SAMD12: variants seen among roughly 807,000 people sequenced by gnomAD.
The protein encoded by SAMD12 is sterile alpha motif domain containing 12, also known as sterile alpha motif domain-containing protein 12.
A neutral mutation model predicts 15.0 loss-of-function variants in SAMD12; 9 were observed. That is an observed-to-expected ratio of 0.60 (90% CI 0.36 to 1.05). SAMD12 has a LOEUF of 1.05. Ranked by LOEUF, SAMD12 falls within the 50% of genes least tolerant of loss-of-function variation. The pLI, the probability that SAMD12 is intolerant of heterozygous loss-of-function variation, is 0.01. For missense variants in SAMD12, 230 were observed against 234.2 expected (o/e 0.98, Z 0.12); for synonymous variants, 86 against 90.1 (o/e 0.96, Z 0.25).
the SAMD12 span, among the ~76,000 whole-genome samples, chr8:118,148,100 G>A: frequency 2.6e-5 from 4 of 151,782 alleles, no homozygotes; most frequent in Admixed American, 6.6e-5. Flanking sequence ...GCTAATTTTT[G>A]TATTTTTTTG....
intron 2 of SAMD12, among the ~76,000 whole-genome samples, chr8:118,454,567 C>G (rs1483738500): frequency 6.6e-6 from 1 of 152,152 alleles, no homozygotes; most frequent in Non-Finnish European, 1.5e-5. Flanking sequence ...ATGTCTATTA[C>G]TAAATATTGG....
At chr8:118,284,309 G>A (rs774116399) in intron 4 of SAMD12, 16 of 456,296 alleles carry the variant, frequency 3.5e-5, no homozygotes, top group South Asian at 2.5e-4. Flanking sequence ...AACTGGCTGG[G>A]ATGGCTTCAT....
the SAMD12 span, among the ~76,000 whole-genome samples, chr8:118,161,363 C>T: frequency 1.3e-5 from 2 of 151,702 alleles, no homozygotes; most frequent in East Asian, 1.9e-4. Context: ...GTGGGAGGAT[C>T]GCTTGAACCC....
chr8:118,468,356 A>T (rs1432245482), intron 2 of SAMD12, among the ~76,000 whole-genome samples: 3 of 151,848 alleles, frequency 2.0e-5, no homozygotes, highest in African/African-American at 7.3e-5. Context: ...TTCACAAAAA[A>T]CCCACTCCTC....
intron 2 of SAMD12, among the ~76,000 whole-genome samples, chr8:118,455,295 T>TCTCTC (rs1823214590): frequency 9.9e-6 from 1 of 101,166 alleles, no homozygotes; most frequent in Admixed American, 1.2e-4. Context: ...CTCTCTCTAC[T>TCTCTC]GTTTACTCTG....
At chr8:118,399,061 T>C (rs371891043) in intron 3 of SAMD12, among the ~76,000 whole-genome samples, 13 of 152,170 alleles carry the variant, frequency 8.5e-5, no homozygotes, top group African/African-American at 2.9e-4. Flanking sequence ...TTTTAAAGTT[T>C]TTAGTAGAGA....
chr8:118,164,360 G>T, the SAMD12 span, among the ~76,000 whole-genome samples: 3 of 152,250 alleles, frequency 2.0e-5, no homozygotes, highest in South Asian at 6.2e-4. Flanking sequence ...CTGTAACTGA[G>T]TTAGCCACCC....
chr8:118,440,394 T>C (rs1822704715), intron 2 of SAMD12, among the ~76,000 whole-genome samples: 1 of 152,062 alleles, frequency 6.6e-6, no homozygotes, highest in African/African-American at 2.4e-5. Flanking sequence ...GAAGTGCTAA[T>C]AATATTTTTA....
At chr8:118,453,250 G>A (rs1035015570) in intron 2 of SAMD12, among the ~76,000 whole-genome samples, 8 of 152,034 alleles carry the variant, frequency 5.3e-5, no homozygotes, top group African/African-American at 1.9e-4. Context: ...ATGGTAAATT[G>A]AGTCACAGGT....
At chr8:118,550,183 C>T (rs1354543734) in intron 2 of SAMD12, among the ~76,000 whole-genome samples, 1 of 152,106 alleles carries the variant, frequency 6.6e-6, no homozygotes, top group Non-Finnish European at 1.5e-5. Context: ...GAGAACGCCA[C>T]AAAGATACTC....
chr8:118,308,023 C>A lies in SAMD12; in HGVS notation c.433+71537G>T, dbSNP rs115368453. Among the ~76,000 whole-genome samples the A allele has an allele frequency of 5.0e-3, 768 of 152,334 alleles. 5 individuals are homozygous for A. Among genetic ancestry groups the A allele is most frequent in the African/African-American group, 0.018 (732 of 41,576 alleles). The stretch of plus-strand genomic sequence containing the variant: ...TTTCTTCCAAGTTCCTGTAACTGTT[C>A]CCCTTCTGCTAGAGAGAACATCAGG... On this transcript the variant is annotated intron_variant, in intron 4 of 4. Coordinates refer to the SAMD12 transcript ENST00000409003.
chr8:118,593,070 C>CAAGTTT (rs1827624133), intron 1 of SAMD12, among the ~76,000 whole-genome samples: 1 of 152,138 alleles, frequency 6.6e-6, no homozygotes, highest in African/African-American at 2.4e-5. Flanking sequence ...AAGGAACATT[C>CAAGTTT]AAGTTTAACA....
intron 4 of SAMD12, among the ~76,000 whole-genome samples, chr8:118,235,158 G>A (rs1186615363): frequency 6.6e-6 from 1 of 151,840 alleles, no homozygotes; most frequent in Non-Finnish European, 1.5e-5. Context: ...GCCATTCTCA[G>A]TCCATTAACA....
intron 3 of SAMD12, among the ~76,000 whole-genome samples, chr8:118,430,162 A>G (rs1822357359): frequency 1.3e-5 from 2 of 152,200 alleles, no homozygotes; most frequent in Admixed American, 6.5e-5. Flanking sequence ...TTCTATAGAT[A>G]TCAGTTAGGT....
the SAMD12 span, among the ~76,000 whole-genome samples, chr8:118,166,074 G>T: frequency 6.6e-6 from 1 of 151,992 alleles, no homozygotes; most frequent in African/African-American, 2.4e-5. Context: ...TATATTTATT[G>T]CCTAAAATGA....
chr8:118,401,263 T>C (rs908094144), intron 3 of SAMD12, among the ~76,000 whole-genome samples: 2 of 152,218 alleles, frequency 1.3e-5, no homozygotes, highest in African/African-American at 4.8e-5. Context: ...AAACTGAACA[T>C]GGCTGAAAGT....
At chr8:118,405,310 C>T (rs1821072516) in intron 3 of SAMD12, among the ~76,000 whole-genome samples, 1 of 152,026 alleles carries the variant, frequency 6.6e-6, no homozygotes, top group Non-Finnish European at 1.5e-5. Context: ...ATCCAATGTC[C>T]CTCAGCAATA....
chr8:118,184,988 T>C (rs1819219088), downstream of SAMD12, among the ~76,000 whole-genome samples: 1 of 152,022 alleles, frequency 6.6e-6, no homozygotes, highest in Non-Finnish European at 1.5e-5. Context: ...ATTTTTGGCT[T>C]AACCAATAAA....
chr8:118,226,432 A>T (rs1288205431), intron 4 of SAMD12, among the ~76,000 whole-genome samples: 2 of 152,200 alleles, frequency 1.3e-5, no homozygotes, highest in Non-Finnish European at 2.9e-5. Context: ...GATGGATCCT[A>T]TCTTTATCAG....
Sources: allele counts gnomAD v4.1 joint callset (sites outside exome capture counted in the v4.1 genomes callset), GRCh38; gene constraint gnomAD v4.1.1; transcripts MANE v1.5; gene names NCBI Gene and HGNC (gene_info 2026-07-23, HGNC 2026-07-21).